UHMK1: variants seen among roughly 807,000 people sequenced by gnomAD.
The protein encoded by UHMK1 is serine/threonine-protein kinase Kist.
In UHMK1, 18 loss-of-function variants were observed where a neutral mutation model predicts 44.0. The observed-to-expected ratio is 0.41, with a 90% CI of 0.28 to 0.61. The LOEUF (loss-of-function observed/expected upper bound fraction) is 0.61. Ranked by LOEUF, UHMK1 falls within the 20% of genes least tolerant of loss-of-function variation. The pLI, the probability that UHMK1 is intolerant of heterozygous loss-of-function variation, is 0.31. For synonymous variants in UHMK1, 231 were observed against 198.5 expected (o/e 1.16, Z -1.38); for missense variants, 463 against 522.5 (o/e 0.89, Z 1.11).
rs1049260539 is a variant in UHMK1, at chr1:162,497,859, G to C, written c.-142G>C. 3.6e-6 allele frequency: 5 copies of C among 1,379,026 alleles called. No homozygotes were observed. The Admixed American group carries it at 1.8e-4, about 48-fold the overall frequency. 85.4% of individuals were successfully genotyped at this position (1,379,026 alleles called of 1,614,324 possible). A position where few individuals can be genotyped will look rare whatever the true frequency, so the allele number is the denominator to read the frequency against. On this transcript the variant is annotated 5_prime_UTR_variant, in exon 1 of 8. It removes the in-frame stop codon of an upstream open reading frame in the 5' UTR. Transcript: ENST00000489294. Reference sequence around the variant, plus strand: ...ACGGCTTCCGGTGTCATGGCTGCTTGAAGTCCCGGGAGTCGGTGAGGCGGC... The same window carrying C: ...ACGGCTTCCGGTGTCATGGCTGCTTCAAGTCCCGGGAGTCGGTGAGGCGGC...
At position 162,529,178 on chromosome 1, in the gene UHMK1, G is replaced by T. The variant is rs183214492; in HGVS notation, c.*6628G>T. ...TGTAACATTTCTACCAGTTGTTTCA[G>T]TAGCATATTGGTCTTGGCATTTCTT... is the stretch of plus-strand genomic sequence containing the variant. On this transcript the variant is annotated 3_prime_UTR_variant, in exon 8 of 8. Coordinates refer to ENST00000489294, the MANE Select transcript of UHMK1 (RefSeq NM_175866.5). 6.6e-6 allele frequency: 1 copy of T among 152,144 alleles called. No individual in the cohort carries two copies. Among genetic ancestry groups the T allele is most frequent in the Admixed American group, 6.5e-5 (1 of 15,282 alleles). The allele number at this position is 152,144 out of a possible 1,614,324, so 9.4% of individuals were successfully genotyped here.
chr1:162,507,381 G>A (rs1423907758), intron 4 of UHMK1, among the ~76,000 whole-genome samples: 2 of 151,512 alleles, frequency 1.3e-5, no homozygotes, highest in African/African-American at 4.8e-5. Context: ...GCCTCCGAAA[G>A]TGCTGGGATT....
rs1187620848 is a variant in UHMK1 at position 162,522,749 on chromosome 1, A to T, written c.*199A>T. ...GAGTAGGACAAGACCTCTCAGCTAT[A>T]CATTGAGGGGTTTTAGAGCATCCAT... On this transcript the variant is annotated 3_prime_UTR_variant, in exon 8 of 8. Coordinates refer to ENST00000489294, the MANE Select transcript of UHMK1 (RefSeq NM_175866.5). 1.9e-6 allele frequency: 1 copy of T among 536,794 alleles called. No individual in the cohort carries two copies. The highest frequency in any genetic ancestry group is 3.1e-6 in the Non-Finnish European group (1 of 319,142). The allele number at this position is 536,794 out of a possible 1,614,324, so 33.3% of individuals were successfully genotyped here. A position where few individuals can be genotyped will look rare whatever the true frequency, so the allele number is the denominator to read the frequency against.
Position 162,497,983 on chromosome 1 carries a change from T to C in UHMK1, c.-18T>C. ...GGCGTCGCGTCAGCTCCCGTGTCCG[T>C]GCCCTTAACCCACACCGATGGCGGG... On this transcript the variant is annotated 5_prime_UTR_variant, in exon 1 of 8. Coordinates refer to ENST00000489294, the MANE Select transcript of UHMK1 (RefSeq NM_175866.5). 6.6e-7 allele frequency: 1 copy of C among 1,510,312 alleles called. No homozygotes were observed. Among genetic ancestry groups the C allele is most frequent in the Non-Finnish European group, 8.9e-7 (1 of 1,129,832 alleles). 93.6% of individuals were successfully genotyped at this position (1,510,312 alleles called of 1,614,324 possible).
intron 3 of UHMK1, among the ~76,000 whole-genome samples, chr1:162,503,301 A>C (rs1651345682): frequency 6.6e-6 from 1 of 151,956 alleles, no homozygotes; most frequent in Non-Finnish European, 1.5e-5. Context: ...TATGTATATT[A>C]TTTCCTCTGT....
intron 6 of UHMK1, chr1:162,513,149 C>T (rs977508881): frequency 3.5e-6 from 1 of 282,514 alleles, no homozygotes; most frequent in Non-Finnish European, 7.0e-6. Context: ...CCATATTGGT[C>T]AGCTGGTCTC....
rs1652358497 is a variant in UHMK1 at position 162,529,169 on chromosome 1, G to A, written c.*6619G>A. 4 of 152,150 alleles carry A rather than the reference G, an allele frequency of 2.6e-5. No homozygotes were observed. In the South Asian group the frequency reaches 8.3e-4, roughly 32 times the overall value. 9.4% of individuals were successfully genotyped at this position (152,150 alleles called of 1,614,324 possible). On this transcript the variant is annotated 3_prime_UTR_variant, in exon 8 of 8. Transcript: ENST00000489294. ...ATAGTTGTCTGTAACATTTCTACCA[G>A]TTGTTTCAGTAGCATATTGGTCTTG...
intron 4 of UHMK1, among the ~76,000 whole-genome samples, chr1:162,506,914 T>A (rs1651490747): frequency 6.6e-6 from 1 of 152,160 alleles, no homozygotes; most frequent in African/African-American, 2.4e-5. Context: ...CCCAGAGGAT[T>A]TTAACTTTTT....
chr1:162,504,276 GTT>G (rs1651386009), intron 4 of UHMK1, among the ~76,000 whole-genome samples: 1 of 152,164 alleles, frequency 6.6e-6, no homozygotes, highest in Non-Finnish European at 1.5e-5. Flanking sequence ...GACAGATACA[GTT>G]TTTCTGATAT....
chr1:162,505,268 G>T (rs1651427241), intron 4 of UHMK1, among the ~76,000 whole-genome samples: 1 of 152,078 alleles, frequency 6.6e-6, no homozygotes, highest in African/African-American at 2.4e-5. Flanking sequence ...TGTCTTACTG[G>T]AATGTCTGCA....
intron 7 of UHMK1, among the ~76,000 whole-genome samples, chr1:162,521,909 G>A (rs1001024955): frequency 3.3e-5 from 5 of 152,198 alleles, no homozygotes; most frequent in African/African-American, 1.2e-4. Context: ...TTACAGGAGT[G>A]AGCCCCTGCA....
chr1:162,499,828 T>G (rs1651202253), intron 1 of UHMK1, 127 bp from the exon 2 acceptor site: 1 of 836,704 alleles, frequency 1.2e-6, no homozygotes, highest in Non-Finnish European at 1.8e-6. Flanking sequence ...AAAAATAAAT[T>G]ACAGTGGAAG....
chr1:162,522,668 C>A lies in UHMK1; in HGVS notation c.*118C>A. 5.1e-6 allele frequency: 6 copies of A among 1,178,926 alleles called. No individual in the cohort carries two copies. The South Asian group carries it at 7.9e-5, about 16-fold the overall frequency. 73.0% of individuals were successfully genotyped at this position (1,178,926 alleles called of 1,614,324 possible). ...AAGGTACTTTATACATTTATTTAAT[C>A]CTACTAATGTGCAGCCATTGCCCAA... On this transcript the variant is annotated 3_prime_UTR_variant, in exon 8 of 8. Coordinates refer to ENST00000489294, the MANE Select transcript of UHMK1 (RefSeq NM_175866.5).
At chr1:162,515,862 G>T (rs1466113276) in intron 6 of UHMK1, among the ~76,000 whole-genome samples, 1 of 151,678 alleles carries the variant, frequency 6.6e-6, no homozygotes, top group Non-Finnish European at 1.5e-5. Flanking sequence ...GTGAAACCTG[G>T]TCTCTACTAA....
chr1:162,512,229 C>G (rs1438036614), intron 4 of UHMK1, among the ~76,000 whole-genome samples: 1 of 151,168 alleles, frequency 6.6e-6, no homozygotes, highest in African/African-American at 2.4e-5. Flanking sequence ...TTTTTTGTCA[C>G]TCACTGTTAC....
intron 6 of UHMK1, among the ~76,000 whole-genome samples, chr1:162,515,722 A>G (rs952277906): frequency 5.3e-5 from 8 of 152,128 alleles, no homozygotes; most frequent in African/African-American, 1.9e-4. Context: ...GTCTACTCCT[A>G]ATAATTTTTA....
At position 162,501,612 on chromosome 1, in the gene UHMK1, C is replaced by T. The variant is rs187861777; in HGVS notation, c.753+508C>T. The stretch of plus-strand genomic sequence containing the variant: ...GTATTGCATTCTTATTGTTCCTAGC[C>T]TGTGGCTTGGCATATAGTAAGTGCT... On this transcript the variant is annotated intron_variant, in intron 3 of 7. Transcript: ENST00000489294. Among the ~76,000 whole-genome samples, 52 of 152,234 alleles carry T rather than the reference C, an allele frequency of 3.4e-4. 1 individual carries two copies. The South Asian group carries it at 4.3e-3, about 13-fold the overall frequency.
chr1:162,522,514 C>A lies in UHMK1; in HGVS notation c.1224C>A (p.Ala408=). ...TGGCTACATTCTACCCGCTGAGTGCCTACAAGAGGGGATATCTGTATCAAA... is the reference window on the plus strand; with the variant it reads ...TGGCTACATTCTACCCGCTGAGTGCATACAAGAGGGGATATCTGTATCAAA... The part of the protein sequence containing the change: ...FVVATFYPLS[A]YKRGYLYQTL... Residue 408 remains alanine (A), a synonymous_variant, in exon 8 of 8, where the codon GCC becomes GCA. Transcript: ENST00000489294. 6.2e-7 allele frequency: 1 copy of A among 1,614,180 alleles called. No individual in the cohort carries two copies.
upstream of UHMK1, chr1:162,497,710 G>C: frequency 2.0e-6 from 2 of 1,013,452 alleles, no homozygotes; most frequent in Non-Finnish European, 2.6e-6. Context: ...TCTTATTCTC[G>C]GTTCTTTTTT....
Sources: allele counts gnomAD v4.1 joint callset (sites outside exome capture counted in the v4.1 genomes callset), GRCh38; gene constraint gnomAD v4.1.1; transcripts MANE v1.5; gene names NCBI Gene and HGNC (gene_info 2026-07-23, HGNC 2026-07-21).